MAP4K5: variants seen among roughly 807,000 people sequenced by gnomAD.
MAP4K5 encodes the protein mitogen-activated protein kinase kinase kinase kinase 5, also known as MAPK/ERK kinase kinase kinase 5.
A neutral mutation model predicts 135.6 loss-of-function variants in MAP4K5; 82 were observed. The ratio of observed to expected loss-of-function variants is 0.60; its 90% CI spans 0.51 to 0.73. The LOEUF (loss-of-function observed/expected upper bound fraction) is 0.73, where lower values mean the gene tolerates loss of function less well. Among genes scored for constraint, MAP4K5 ranks in the 30% least tolerant of loss-of-function variants. The pLI is 0.00. For missense variants in MAP4K5, 907 were observed against 1,010.9 expected (o/e 0.90, Z 1.39); for synonymous variants, 347 against 335.0 (o/e 1.04, Z -0.39).
intron 1 of MAP4K5, among the ~76,000 whole-genome samples, chr14:50,553,785 A>G (rs1325668458): frequency 1.3e-5 from 2 of 152,172 alleles, no homozygotes; most frequent in African/African-American, 4.8e-5. Context: ...AACAGAACAA[A>G]ATAATGGCCT....
chr14:50,482,268 T>C (rs913864274), intron 6 of MAP4K5, 93 bp downstream of exon 6: 13 of 652,422 alleles, frequency 2.0e-5, no homozygotes, highest in Non-Finnish European at 3.3e-5. Flanking sequence ...TATCATTTTA[T>C]AGTTATCAAT....
intron 16 of MAP4K5, 42 bp downstream of exon 16, chr14:50,447,372 T>C (rs749204762): frequency 5.5e-5 from 67 of 1,216,050 alleles, no homozygotes; most frequent in Admixed American, 1.8e-4. Context: ...TGTTCTTATG[T>C]AATCAAATAA....
At chr14:50,462,815 G>A (rs772011673) in intron 12 of MAP4K5, 34 bp from the exon 13 acceptor site, 1 of 1,217,198 alleles carries the variant, frequency 8.2e-7, no homozygotes, top group South Asian at 1.2e-5. Context: ...TCATGAGTAT[G>A]CCTTTACATC....
intron 31 of MAP4K5, among the ~76,000 whole-genome samples, chr14:50,424,295 T>G (rs1199270817): frequency 6.6e-6 from 1 of 152,044 alleles, no homozygotes; most frequent in Non-Finnish European, 1.5e-5. Flanking sequence ...AGTATTAAGT[T>G]CAGAGATGTT....
At chr14:50,470,345 G>A (rs1398055332) in intron 9 of MAP4K5, among the ~76,000 whole-genome samples, 1 of 152,120 alleles carries the variant, frequency 6.6e-6, no homozygotes, top group East Asian at 1.9e-4. Context: ...AGCTAAAGTA[G>A]TAGTATTTCA....
At chr14:50,533,487 A>G (rs368787054), upstream of MAP4K5, 1 of 152,192 alleles carries the variant, frequency 6.6e-6, no homozygotes, top group African/African-American at 2.4e-5. Flanking sequence ...TATATGGAAC[A>G]GGAGTTCGGG....
chr14:50,493,557 T>C (rs2037530949), intron 3 of MAP4K5, among the ~76,000 whole-genome samples: 1 of 152,112 alleles, frequency 6.6e-6, no homozygotes. Flanking sequence ...TAGAAAATCC[T>C]AAAGTCCATT....
chr14:50,442,690 A>G, intron 21 of MAP4K5, 42 bp downstream of exon 21: 1 of 1,261,598 alleles, frequency 7.9e-7, no homozygotes, highest in Non-Finnish European at 1.1e-6. Flanking sequence ...TTCCCATAAT[A>G]AATATTTTAT....
Position 50,482,394 on chromosome 14 carries a change from C to T in MAP4K5, c.345G>A (p.Leu115=). 5.2e-6 allele frequency: 8 copies of T among 1,533,128 alleles called. No homozygotes were observed. Among genetic ancestry groups the T allele is most frequent in the Non-Finnish European group, 7.0e-6 (8 of 1,141,554 alleles). 95.0% of individuals were successfully genotyped at this position (1,533,128 alleles called of 1,614,324 possible). The change falls in exon 6 of 33, where the codon TTG becomes TTA. Residue 115 remains leucine, a synonymous_variant. Transcript: ENST00000682126. ...IYHVTGPLSE[L]QIAYVCRETL... Reference sequence around the variant, plus strand: ...TTTCTCTGCATACATAGGCTATTTGCAATTCTGATAATGGTCCAGTAACTA... The same window carrying T: ...TTTCTCTGCATACATAGGCTATTTGTAATTCTGATAATGGTCCAGTAACTA...
intron 2 of MAP4K5, among the ~76,000 whole-genome samples, chr14:50,521,802 T>C (rs2038158107): frequency 6.6e-6 from 1 of 152,216 alleles, no homozygotes; most frequent in South Asian, 2.1e-4. Flanking sequence ...AGGCCTAAAT[T>C]CATCTTGTCC....
Position 50,541,519 on chromosome 14 carries a change from C to T in MAP4K5, c.-94+980G>A, listed in dbSNP as rs183240986. On this transcript the variant is annotated intron_variant, in intron 2 of 8. Coordinates refer to the MAP4K5 transcript ENST00000555216. ...TTGAGACAATGTACTGCATTTGCTA[C>T]TCTTTGACCCATGTAACCTGTATGA... 2.6e-5 allele frequency among the ~76,000 whole-genome samples: 4 copies of T among 152,278 alleles called. No homozygotes were observed. In the East Asian group the frequency reaches 7.7e-4, roughly 29 times the overall value.
At chr14:50,479,867 T>C (rs2037197481) in intron 6 of MAP4K5, among the ~76,000 whole-genome samples, 1 of 152,200 alleles carries the variant, frequency 6.6e-6, no homozygotes, top group East Asian at 1.9e-4. Flanking sequence ...GGGTTCCTTC[T>C]CCCTGTACTG....
intron 1 of MAP4K5, among the ~76,000 whole-genome samples, chr14:50,550,093 A>C (rs866167560): frequency 6.6e-6 from 1 of 152,180 alleles, no homozygotes; most frequent in Non-Finnish European, 1.5e-5. Flanking sequence ...AAGTGATCCC[A>C]GCTGTACTCT....
intron 29 of MAP4K5, among the ~76,000 whole-genome samples, chr14:50,428,990 T>A (rs1435409339): frequency 2.0e-5 from 3 of 152,204 alleles, no homozygotes; most frequent in Non-Finnish European, 2.9e-5. Context: ...CTCTCATTTT[T>A]AAAAATGTAT....
chr14:50,462,887 T>C, intron 12 of MAP4K5, 106 bp from the exon 13 acceptor site: 2 of 665,768 alleles, frequency 3.0e-6, no homozygotes, highest in African/African-American at 1.8e-5. Context: ...GACAAGTATA[T>C]GGGAGTCTAC....
chr14:50,461,917 C>CA (rs770904631), intron 13 of MAP4K5, among the ~76,000 whole-genome samples: 1,568 of 119,196 alleles, frequency 0.013, 17 homozygotes, highest in African/African-American at 0.025. Flanking sequence ...GACTCCATCT[C>CA]AAAAAAAAAA....
At chr14:50,542,495 T>C (rs1430633327) in intron 2 of MAP4K5, 1 of 152,188 alleles carries the variant, frequency 6.6e-6, no homozygotes, top group Non-Finnish European at 1.5e-5. Context: ...AAATTGGATG[T>C]TACCTAATTT....
rs1303472057 is a variant in MAP4K5 at position 50,418,537 on chromosome 14, T to C, written c.*1482A>G. ...AACTTTATATTCCATTTGTATAACA[T>C]TTTATTGTTTGCGTATTGCATAGTG... On this transcript the variant is annotated 3_prime_UTR_variant, in exon 33 of 33. Coordinates refer to ENST00000682126, the MANE Select transcript of MAP4K5 (RefSeq NM_006575.6). 1 of 152,642 alleles carries C rather than the reference T, an allele frequency of 6.6e-6. No homozygotes were observed. The highest frequency in any genetic ancestry group is 6.5e-5 in the Admixed American group (1 of 15,286). The allele number at this position is 152,642 out of a possible 1,614,324, so 9.5% of individuals were successfully genotyped here. A position where few individuals can be genotyped will look rare whatever the true frequency, so the allele number is the denominator to read the frequency against.
chr14:50,475,265 C>A (rs1052871277), intron 8 of MAP4K5, 116 bp from the exon 9 acceptor site: 11 of 752,000 alleles, frequency 1.5e-5, no homozygotes, highest in Non-Finnish European at 1.8e-5. Context: ...TAGAAAAATG[C>A]GCATAAATTG....
Sources: gnomAD v4.1 joint callset for allele counts (sites outside exome capture counted in the v4.1 genomes callset) on GRCh38, gnomAD v4.1.1 for gene constraint, MANE v1.5 for transcripts, NCBI Gene and HGNC (gene_info 2026-07-23, HGNC 2026-07-21) for gene names.